IL1RL2: variants seen among roughly 807,000 people sequenced by gnomAD.
The protein encoded by IL1RL2 is interleukin-1 receptor-like 2.
In IL1RL2, 68 loss-of-function variants were observed where a neutral mutation model predicts 66.8. The observed-to-expected ratio is 1.02, with a 90% CI of 0.84 to 1.25. The LOEUF is 1.25. Ranked by LOEUF, IL1RL2 falls within the 50% of genes most tolerant of loss-of-function variation. IL1RL2 has a pLI of 0.00. For synonymous variants in IL1RL2, 305 were observed against 264.6 expected (o/e 1.15, Z -1.48); for missense variants, 729 against 709.3 (o/e 1.03, Z -0.32).
chr2:102,223,113 CT>C (rs1690287257), intron 8 of IL1RL2, among the ~76,000 whole-genome samples: 1 of 152,180 alleles, frequency 6.6e-6, no homozygotes, highest in Non-Finnish European at 1.5e-5. Context: ...TAAGCTCATG[CT>C]TCTTAAATCC....
chr2:102,227,172 G>C (rs1690695555), intron 9 of IL1RL2, among the ~76,000 whole-genome samples: 1 of 152,170 alleles, frequency 6.6e-6, no homozygotes, highest in African/African-American at 2.4e-5. Context: ...CCCCTAATTA[G>C]ATGAAAAAAG....
In IL1RL2 at chr2:102,197,773, A is replaced by G. The variant is rs10201417; in HGVS notation, c.490-3783A>G. ...CAGTTCTGTGGGAGCTGAGTATTCC[A>G]CTTTATTTGTTGGGGTGGCTCTTCC... On this transcript the variant is annotated intron_variant, in intron 4 of 11. Coordinates refer to ENST00000264257, the MANE Select transcript of IL1RL2 (RefSeq NM_003854.4). 5.4e-3 allele frequency among the ~76,000 whole-genome samples: 819 copies of G among 152,242 alleles called. 10 individuals carry two copies. The highest frequency in any genetic ancestry group is 0.019 in the African/African-American group (786 of 41,542).
intron 5 of IL1RL2, among the ~76,000 whole-genome samples, chr2:102,207,763 G>T (rs986194254): frequency 6.6e-6 from 1 of 152,142 alleles, no homozygotes; most frequent in Non-Finnish European, 1.5e-5. Context: ...GAGGTATATT[G>T]CATGTCCCAC....
intron 6 of IL1RL2, among the ~76,000 whole-genome samples, chr2:102,215,741 A>G (rs1328376568): frequency 6.6e-6 from 1 of 152,186 alleles, no homozygotes; most frequent in East Asian, 1.9e-4. Flanking sequence ...GGCCACTGAG[A>G]CACTCAAAGA....
chr2:102,231,515 AT>A (rs1691128801), intron 9 of IL1RL2, among the ~76,000 whole-genome samples: 2 of 78,884 alleles, frequency 2.5e-5, no homozygotes, highest in East Asian at 3.8e-4. Context: ...AAATAAAAAA[AT>A]AAAATAAAAT....
rs146227322 is a variant in IL1RL2, at chr2:102,232,997, C to T, written c.1170C>T (p.Pro390=). ...TGTATGACGCCTATGTCTTATACCC[C>T]AAGCCCCACAAGGAAAGCCAGAGGC... ...GKLYDAYVLY[P]KPHKESQRHA... Residue 390 remains proline, a synonymous_variant, in exon 10 of 12, where the codon CCC becomes CCT. Transcript: ENST00000264257. 1.2e-6 allele frequency: 2 copies of T among 1,614,034 alleles called. No homozygotes were observed. Among genetic ancestry groups the T allele is most frequent in the African/African-American group, 2.7e-5 (2 of 74,908 alleles).
intron 5 of IL1RL2, among the ~76,000 whole-genome samples, chr2:102,203,317 G>C (rs1688428509): frequency 6.6e-6 from 1 of 151,270 alleles, no homozygotes; most frequent in Non-Finnish European, 1.5e-5. Flanking sequence ...ATATTCATCA[G>C]AGATACTTGC....
chr2:102,226,779 GAAGA>G (rs145807887), intron 9 of IL1RL2, among the ~76,000 whole-genome samples: 2,757 of 152,124 alleles, frequency 0.018, 88 homozygotes, highest in African/African-American at 0.062. Flanking sequence ...GGGAGGAAGG[GAAGA>G]AAGAAGGAAG....
Position 102,201,639 on chromosome 2 carries a change from G to T in IL1RL2, c.573G>T (p.Gly191=). 6.2e-7 allele frequency: 1 copy of T among 1,614,114 alleles called. No homozygotes were observed. Among genetic ancestry groups the T allele is most frequent in the Non-Finnish European group, 8.5e-7 (1 of 1,179,998 alleles). ...GCAATGTCTCGGCAGAGGACAGAGG[G>T]AACTACGCGTGTCAAGCCATACTGA... ...LVSNVSAEDR[G]NYACQAILTH... The change falls in exon 5 of 12, where the codon GGG becomes GGT. Residue 191 remains glycine, a synonymous_variant. Transcript: ENST00000264257.
At chr2:102,209,286 A>AT (rs1443532123) in intron 5 of IL1RL2, among the ~76,000 whole-genome samples, 2 of 152,230 alleles carry the variant, frequency 1.3e-5, no homozygotes, top group East Asian at 3.8e-4. Flanking sequence ...TAAATGGATC[A>AT]TTTTAACATT....
intron 8 of IL1RL2, among the ~76,000 whole-genome samples, chr2:102,221,688 G>A (rs969588073): frequency 6.6e-6 from 1 of 151,770 alleles, no homozygotes; most frequent in African/African-American, 2.4e-5. Flanking sequence ...CAGGTTTTCA[G>A]GCTCAGATCC....
At chr2:102,220,231 G>T (rs893501961) in intron 8 of IL1RL2, among the ~76,000 whole-genome samples, 1 of 152,198 alleles carries the variant, frequency 6.6e-6, no homozygotes, top group Non-Finnish European at 1.5e-5. Context: ...TTTTGAAAGT[G>T]CCATATTTTC....
At chr2:102,214,297 G>A (rs1689421177) in intron 6 of IL1RL2, among the ~76,000 whole-genome samples, 1 of 152,022 alleles carries the variant, frequency 6.6e-6, no homozygotes, top group African/African-American at 2.4e-5. Flanking sequence ...GAAATTTTGA[G>A]AAAATTAAGT....
chr2:102,211,513 T>A (rs1466912864), intron 5 of IL1RL2, among the ~76,000 whole-genome samples: 1 of 152,192 alleles, frequency 6.6e-6, no homozygotes, highest in Non-Finnish European at 1.5e-5. Flanking sequence ...ACTTTGACAA[T>A]TATCAACTTC....
At chr2:102,195,627 TTCTC>T (rs1159940295) in intron 4 of IL1RL2, among the ~76,000 whole-genome samples, 1 of 14,644 alleles carries the variant, frequency 6.8e-5, no homozygotes, top group Non-Finnish European at 1.6e-4. Flanking sequence ...CTTTCTTTCT[TTCTC>T]TCTCTCTCTC....
intron 5 of IL1RL2, among the ~76,000 whole-genome samples, chr2:102,204,820 C>T (rs1228060337): frequency 1.3e-5 from 2 of 151,884 alleles, no homozygotes; most frequent in African/African-American, 4.8e-5. Flanking sequence ...TTCTACATCT[C>T]TTTATTGGAG....
intron 6 of IL1RL2, among the ~76,000 whole-genome samples, chr2:102,216,160 T>C (rs1689596785): frequency 6.6e-6 from 1 of 152,188 alleles, no homozygotes; most frequent in African/African-American, 2.4e-5. Flanking sequence ...AAACAATTTA[T>C]GATCTGAATA....
At position 102,195,559 on chromosome 2, in the gene IL1RL2, CTCTTTCTTTCTTTCTT is replaced by C. The variant is rs1205396126; in HGVS notation, c.489+3495_489+3510del. ...ATTCCCTTATTCTATTTCTTTCTTT[CTCTTTCTTTCTTTCTT>C]TCTTTCTTTCTTTCTTTCTTTCTTT... On this transcript the variant is annotated intron_variant, in intron 4 of 11. Transcript: ENST00000264257. 1.7e-3 allele frequency among the ~76,000 whole-genome samples: 76 copies of C among 43,708 alleles called. 3 individuals are homozygous for C. Among genetic ancestry groups the C allele is most frequent in the Middle Eastern group, 0.012 (1 of 82 alleles). 28.7% of individuals were successfully genotyped at this position (43,708 alleles called of 152,430 possible).
At chr2:102,207,675 T>G (rs2871457) in intron 5 of IL1RL2, among the ~76,000 whole-genome samples, 42,635 of 151,950 alleles carry the variant, frequency 0.28, 6,619 homozygotes, top group East Asian at 0.38. Context: ...GTCTCTTTTA[T>G]AGCTGCAAGG....
Sources: gnomAD v4.1 joint callset for allele counts (sites outside exome capture counted in the v4.1 genomes callset) on GRCh38, gnomAD v4.1.1 for gene constraint, MANE v1.5 for transcripts, NCBI Gene and HGNC (gene_info 2026-07-23, HGNC 2026-07-21) for gene names.